The following RGS7 variants were observed in gnomAD, a reference collection of about 807,000 sequenced individuals.
RGS7 encodes the protein regulator of G protein signaling 7, also known as regulator of G-protein signaling 7.
A neutral mutation model predicts 81.1 loss-of-function variants in RGS7; 27 were observed. That is an observed-to-expected ratio of 0.33 (90% CI 0.25 to 0.46). The LOEUF (loss-of-function observed/expected upper bound fraction) is 0.46. Ranked by LOEUF, RGS7 falls within the 20% of genes least tolerant of loss-of-function variation. The pLI, the probability that RGS7 is intolerant of heterozygous loss-of-function variation, is 1.00. For synonymous variants in RGS7, 208 were observed against 207.7 expected (o/e 1.00, Z -0.01); for missense variants, 396 against 607.4 (o/e 0.65, Z 3.66).
At chr1:240,783,610 G>A (rs1353865695) in intron 18 of RGS7, among the ~76,000 whole-genome samples, 1 of 151,620 alleles carries the variant, frequency 6.6e-6, no homozygotes, top group Non-Finnish European at 1.5e-5. Context: ...GTGACGGAGC[G>A]AGACTCTGTC....
chr1:240,918,698 TTAAATC>T (rs927091491), intron 6 of RGS7, among the ~76,000 whole-genome samples: 2 of 151,388 alleles, frequency 1.3e-5, no homozygotes, highest in African/African-American at 4.8e-5. Context: ...CAAAAGCAAA[TTAAATC>T]TAAGCCAAAC....
chr1:241,287,497 G>C (rs2078878466), intron 2 of RGS7, among the ~76,000 whole-genome samples: 1 of 152,108 alleles, frequency 6.6e-6, no homozygotes, highest in Non-Finnish European at 1.5e-5. Flanking sequence ...TGATTATGAG[G>C]CTTCCCCAGC....
intron 3 of RGS7, among the ~76,000 whole-genome samples, chr1:241,035,001 G>T (rs1414699172): frequency 2.0e-5 from 3 of 152,106 alleles, no homozygotes; most frequent in Non-Finnish European, 4.4e-5. Context: ...AGGGTAGAAT[G>T]GATGCTCTTT....
At chr1:240,793,100 CAGGGG>C (rs1686293629) in intron 18 of RGS7, among the ~76,000 whole-genome samples, 1 of 152,092 alleles carries the variant, frequency 6.6e-6, no homozygotes, top group African/African-American at 2.4e-5. Context: ...TATGTAGCAG[CAGGGG>C]TGACATTTCC....
intron 6 of RGS7, among the ~76,000 whole-genome samples, chr1:240,912,385 A>C (rs932016109): frequency 6.6e-6 from 1 of 152,184 alleles, no homozygotes; most frequent in African/African-American, 2.4e-5. Context: ...TAGTTTTTAC[A>C]CTTTAATGTA....
intron 5 of RGS7, among the ~76,000 whole-genome samples, chr1:240,933,590 T>G (rs914965486): frequency 6.6e-6 from 1 of 152,046 alleles, no homozygotes; most frequent in South Asian, 2.1e-4. Context: ...CAGTTTTTTT[T>G]GGAATTTAAA....
intron 2 of RGS7, among the ~76,000 whole-genome samples, chr1:241,256,474 G>T (rs1016773856): frequency 6.6e-6 from 1 of 152,072 alleles, no homozygotes; most frequent in South Asian, 2.1e-4. Flanking sequence ...ATTCCTGTTG[G>T]TCACTTATTT....
rs149686865 is a variant in RGS7, at chr1:240,861,097, G to C, written c.609+7490C>G. ...CTCTTCAAGAGATCATGGTCTGACAGATGTTAAAACAAGTGATCTGGTCAG... is the reference window on the plus strand; with the variant it reads ...CTCTTCAAGAGATCATGGTCTGACACATGTTAAAACAAGTGATCTGGTCAG... On this transcript the variant is annotated intron_variant, in intron 9 of 18. Coordinates refer to ENST00000440928, the MANE Select transcript of RGS7 (RefSeq NM_001364886.1). Among the ~76,000 whole-genome samples, 1,132 of 152,286 alleles carry C rather than the reference G, an allele frequency of 7.4e-3. 20 individuals carry two copies. Among genetic ancestry groups the C allele is most frequent in the African/African-American group, 0.026 (1,086 of 41,574 alleles).
rs1673268263 is a variant in RGS7 at position 240,920,176 on chromosome 1, A to G, written c.385+10541T>C. ...CACACTGTGAATGGCCACAACTGTG[A>G]AGTTAGGAAAGCCCTGTCAAAGCAA... On this transcript the variant is annotated intron_variant, in intron 6 of 18. Coordinates refer to ENST00000440928, the MANE Select transcript of RGS7 (RefSeq NM_001364886.1). The G allele has an allele frequency of 2.9e-6, 3 of 1,024,240 alleles. No individual in the cohort carries two copies. In the East Asian group the frequency reaches 7.1e-5, roughly 24 times the overall value. 63.4% of individuals were successfully genotyped at this position (1,024,240 alleles called of 1,614,324 possible). A position where few individuals can be genotyped will look rare whatever the true frequency, so the allele number is the denominator to read the frequency against.
At chr1:240,894,057 A>G (rs1558426512) in intron 6 of RGS7, among the ~76,000 whole-genome samples, 1 of 152,188 alleles carries the variant, frequency 6.6e-6, no homozygotes, top group East Asian at 1.9e-4. Context: ...GTCAAATTTA[A>G]ATAATATCAT....
chr1:240,979,656 G>A (rs551463397), intron 4 of RGS7, among the ~76,000 whole-genome samples: 2 of 152,152 alleles, frequency 1.3e-5, no homozygotes, highest in Non-Finnish European at 2.9e-5. Context: ...ATGAATTGGA[G>A]CATTCTCAAC....
rs139517424 is a variant in RGS7 at position 240,788,441 on chromosome 1, C to A, written c.*6+12200G>T. Among the ~76,000 whole-genome samples, 960 of 152,252 alleles carry A rather than the reference C, an allele frequency of 6.3e-3. 14 individuals carry two copies. The highest frequency in any genetic ancestry group is 0.021 in the African/African-American group (880 of 41,544). On this transcript the variant is annotated intron_variant, in intron 18 of 18. Transcript: ENST00000440928. Reference sequence around the variant, plus strand: ...GTGGAGAAAGTGAAGAGCATTGGTACATCTAGGGCAGTGGTTTTCAAAGTG... The same window carrying A: ...GTGGAGAAAGTGAAGAGCATTGGTAAATCTAGGGCAGTGGTTTTCAAAGTG...
intron 2 of RGS7, among the ~76,000 whole-genome samples, chr1:241,135,869 T>C (rs754264981): frequency 5.3e-5 from 8 of 151,358 alleles, no homozygotes; most frequent in Non-Finnish European, 1.5e-5. Context: ...GCCTCCCGGG[T>C]TCAAGCAATT....
intron 2 of RGS7, among the ~76,000 whole-genome samples, chr1:241,285,021 C>G (rs900525481): frequency 1.3e-5 from 2 of 152,092 alleles, no homozygotes; most frequent in African/African-American, 2.4e-5. Flanking sequence ...CAGGCACCCA[C>G]CACAATGCCC....
chr1:241,288,427 G>A (rs1287165478), intron 2 of RGS7, among the ~76,000 whole-genome samples: 2 of 152,188 alleles, frequency 1.3e-5, no homozygotes, highest in South Asian at 2.1e-4. Context: ...AAGTATGCCT[G>A]TTATTGTTCC....
intron 6 of RGS7, among the ~76,000 whole-genome samples, chr1:240,902,685 T>C (rs1670206187): frequency 6.6e-6 from 1 of 152,196 alleles, no homozygotes; most frequent in Non-Finnish European, 1.5e-5. Context: ...AGATGGTAGA[T>C]TACTGGTTTG....
chr1:240,875,006 C>T (rs1392149025), intron 6 of RGS7, among the ~76,000 whole-genome samples: 2 of 152,068 alleles, frequency 1.3e-5, no homozygotes, highest in Non-Finnish European at 2.9e-5. Flanking sequence ...CCCACCATTG[C>T]ACTCCAGCCT....
chr1:240,939,052 C>A (rs1184912555), intron 4 of RGS7, among the ~76,000 whole-genome samples: 1 of 152,150 alleles, frequency 6.6e-6, no homozygotes, highest in East Asian at 1.9e-4. Context: ...AGGTCATAAA[C>A]CTACCTGGCA....
chr1:241,206,280 G>A (rs911203855), intron 2 of RGS7, among the ~76,000 whole-genome samples: 2 of 150,904 alleles, frequency 1.3e-5, no homozygotes, highest in Admixed American at 1.3e-4. Context: ...CCAGGCTGGG[G>A]TGCAGTGGCG....
Sources: gnomAD v4.1 joint callset for allele counts (sites outside exome capture counted in the v4.1 genomes callset) on GRCh38, gnomAD v4.1.1 for gene constraint, MANE v1.5 for transcripts, NCBI Gene and HGNC (gene_info 2026-07-23, HGNC 2026-07-21) for gene names.